The following MYH14 variants were observed in gnomAD, a reference collection of about 807,000 sequenced individuals.
MYH14 encodes myosin heavy chain 14, also known as myosin-14.
In MYH14, 123 loss-of-function variants were observed where a neutral mutation model predicts 255.5. The observed-to-expected ratio is 0.48, with a 90% CI of 0.42 to 0.56. The LOEUF is 0.56. MYH14 is among the 20% of genes least tolerant of loss of function. The pLI is 0.00. For synonymous variants in MYH14, 1,095 were observed against 1,161.2 expected, an observed-to-expected ratio of 0.94 and a Z score of 1.16; for missense variants, 2,423 against 2,802.3, an observed-to-expected ratio of 0.86 and a Z score of 3.06.
chr19:50,253,936 G>A lies in MYH14; in HGVS notation c.1945+1183G>A, dbSNP rs535692825. The stretch of plus-strand genomic sequence containing the variant: ...AATTTGGCAAGAAAACAAAATGAGC[G>A]GCCAGGCGCGGTGGCTCACGCCTGT... On this transcript the variant is annotated intron_variant, in intron 16 of 42. Transcript: ENST00000642316. Among the ~76,000 whole-genome samples, 26 of 152,260 alleles carry A rather than the reference G, an allele frequency of 1.7e-4. 1 individual carries two copies. Among genetic ancestry groups the A allele is most frequent in the African/African-American group, 5.5e-4 (23 of 41,540 alleles).
rs1316683575 is a variant in MYH14 at position 50,210,397 on chromosome 19, G to A, written c.32G>A (p.Arg11Gln). 9 of 1,580,942 alleles carry A rather than the reference G, an allele frequency of 5.7e-6. No individual in the cohort carries two copies. Among genetic ancestry groups the A allele is most frequent in the African/African-American group, 4.1e-5 (3 of 72,324 alleles). The change falls in exon 2 of 43, where the codon CGG becomes CAG. Residue 11 changes from arginine to glutamine, a missense_variant. This residue lies in a region of MYH14 where 238 missense variants were observed against 245.8 expected (regional missense o/e 0.97). Transcript: ENST00000642316. MAAVTMSVPG[R>Q]KAPPRPGPVP... The stretch of plus-strand genomic sequence containing the variant: ...GCCGTGACCATGTCGGTGCCCGGGC[G>A]GAAGGCGCCCCCCAGGCCGGGCCCA...
Position 50,281,781 on chromosome 19 carries a change from A to G in MYH14, c.4478A>G (p.Asp1493Gly). 6.2e-7 allele frequency: 1 copy of G among 1,612,718 alleles called. No individual in the cohort carries two copies. Among genetic ancestry groups the G allele is most frequent in the Non-Finnish European group, 8.5e-7 (1 of 1,179,790 alleles). Residue 1493 changes from aspartate to glycine, a missense_variant, in exon 33 of 43, where the codon GAC (aspartate) becomes GGC (glycine). Physicochemically the swap from Asp to Gly is moderately conservative, Grantham distance 94 (BLOSUM62 -1). Coordinates refer to ENST00000642316, the MANE Select transcript of MYH14 (RefSeq NM_001145809.2). Reference protein sequence around the residue: ...LQQELDDATMDLEQQRQLVST... With the variant: ...LQQELDDATMGLEQQRQLVST... ...CAGGAGCTGGACGACGCCACCATGG[A>G]CCTGGAGCAGCAGCGGCAGCTTGTG...
rs910217112 is a variant in MYH14, at chr19:50,272,418, T to C, written c.3296-142T>C. On this transcript the variant is annotated intron_variant, in intron 26 of 42. Coordinates refer to ENST00000642316, the MANE Select transcript of MYH14 (RefSeq NM_001145809.2). The stretch of plus-strand genomic sequence containing the variant: ...TTGTGGGAAGAGTCCCTGAGATAGA[T>C]GGGGAAGGTGGGAGGAGGAGAAGGC... 29 of 850,012 alleles carry C rather than the reference T, an allele frequency of 3.4e-5. 1 individual carries two copies. The highest frequency in any genetic ancestry group is 1.3e-4 in the East Asian group (5 of 37,290). 52.7% of individuals were successfully genotyped at this position (850,012 alleles called of 1,614,324 possible).
rs888168580 is a variant in MYH14 at position 50,271,151 on chromosome 19, G to A, written c.3034-258G>A. ...GTGCGGTCATCTCTCACTGCAGAAG[G>A]ACAGTCACTTTTACCCATCCTCAGT... is the stretch of plus-strand genomic sequence containing the variant. On this transcript the variant is annotated intron_variant, in intron 24 of 42. Coordinates refer to ENST00000642316, the MANE Select transcript of MYH14 (RefSeq NM_001145809.2). 3.3e-5 allele frequency among the ~76,000 whole-genome samples: 5 copies of A among 152,176 alleles called. No homozygotes were observed. The South Asian group carries it at 1.0e-3, about 32-fold the overall frequency.
At position 50,203,630 on chromosome 19, in the gene MYH14, C is replaced by G. The variant is rs1433125763; in HGVS notation, c.-45C>G. On this transcript the variant is annotated 5_prime_UTR_variant, in exon 1 of 43. Coordinates refer to ENST00000642316, the MANE Select transcript of MYH14 (RefSeq NM_001145809.2). ...GGGCTGTCCTGGCGGACACGCCCCTCTTTCTCCCCAGGCCGAAGCCTCGGG... is the reference window on the plus strand; with the variant it reads ...GGGCTGTCCTGGCGGACACGCCCCTGTTTCTCCCCAGGCCGAAGCCTCGGG... The G allele has an allele frequency of 6.6e-6, 1 of 152,378 alleles. No individual in the cohort carries two copies. Among genetic ancestry groups the G allele is most frequent in the Non-Finnish European group, 1.5e-5 (1 of 68,172 alleles). 9.4% of individuals were successfully genotyped at this position (152,378 alleles called of 1,614,324 possible).
intron 18 of MYH14, chr19:50,258,424 G>A (rs976313293): frequency 1.3e-5 from 2 of 151,972 alleles, no homozygotes; most frequent in African/African-American, 4.8e-5. Flanking sequence ...GTGCATTACT[G>A]TTGAAAAGAG....
chr19:50,248,694 C>T (rs112726873), intron 12 of MYH14, among the ~76,000 whole-genome samples: 6 of 152,334 alleles, frequency 3.9e-5, no homozygotes, highest in African/African-American at 7.2e-5. Flanking sequence ...CCAAGTTGTC[C>T]GGCTCCAGAG....
chr19:50,257,380 G>A lies in MYH14; in HGVS notation c.2126G>A (p.Arg709Gln), dbSNP rs766802012. ...GGCCGCCCCCGTCGGGGTATGTTCCGGACAGTGGGACAGCTCTACAAGGAG... is the reference window on the plus strand; with the variant it reads ...GGCCGCCCCCGTCGGGGTATGTTCCAGACAGTGGGACAGCTCTACAAGGAG... Reference protein sequence around the residue: ...PGGRPRRGMFRTVGQLYKESL... With the variant: ...PGGRPRRGMFQTVGQLYKESL... Residue 709 changes from arginine to glutamine, a missense_variant, in exon 18 of 43, where the codon CGG (arginine) becomes CAG (glutamine). By Grantham distance (43) the Arg-to-Gln change is conservative. Around this residue, in one of 3 missense-constraint regions of MYH14, gnomAD observed 672 missense variants for 881.8 expected, o/e 0.76. Coordinates refer to ENST00000642316, the MANE Select transcript of MYH14 (RefSeq NM_001145809.2). 1.8e-5 allele frequency: 29 copies of A among 1,607,528 alleles called. No individual in the cohort carries two copies. The highest frequency in any genetic ancestry group is 2.1e-5 in the Non-Finnish European group (25 of 1,177,020).
In MYH14 at chr19:50,280,763, C is replaced by T. The variant is rs555347358; in HGVS notation, c.4290+380C>T. Reference sequence around the variant, plus strand: ...CTCCTCTGCTCACAGCTCTCCCACGCCTCCCCAGTACTCCTAGACAAAGTC... The same window carrying T: ...CTCCTCTGCTCACAGCTCTCCCACGTCTCCCCAGTACTCCTAGACAAAGTC... On this transcript the variant is annotated intron_variant, in intron 32 of 42. Coordinates refer to ENST00000642316, the MANE Select transcript of MYH14 (RefSeq NM_001145809.2). This position sits in a 1 kb window ranked among gnomAD's most constrained non-coding sequence, Gnocchi z 4.8. Among the ~76,000 whole-genome samples the T allele has an allele frequency of 6.6e-6, 1 of 152,200 alleles. No individual in the cohort carries two copies. Among genetic ancestry groups the T allele is most frequent in the South Asian group, 2.1e-4 (1 of 4,832 alleles).
chr19:50,217,194 C>T (rs12983289), intron 2 of MYH14, among the ~76,000 whole-genome samples: 76,416 of 152,062 alleles, frequency 0.5, 22,004 homozygotes, highest in Non-Finnish European at 0.64. Flanking sequence ...GATTTGAAGA[C>T]AGTCCCATGT....
chr19:50,217,995 G>GTTA (rs1333858258), intron 3 of MYH14, among the ~76,000 whole-genome samples: 1 of 151,984 alleles, frequency 6.6e-6, no homozygotes, highest in African/African-American at 2.4e-5. Context: ...TTTTATTATT[G>GTTA]TTATTATTAT....
intron 36 of MYH14, among the ~76,000 whole-genome samples, chr19:50,291,676 C>A (rs576938153): frequency 1.3e-5 from 2 of 152,134 alleles, no homozygotes; most frequent in African/African-American, 4.8e-5. Context: ...ACCAGCCTGG[C>A]CAATATGGTG....
chr19:50,242,268 A>G (rs1270609701), intron 10 of MYH14, among the ~76,000 whole-genome samples: 1 of 152,120 alleles, frequency 6.6e-6, no homozygotes, highest in East Asian at 1.9e-4. Flanking sequence ...TGTAACCCCC[A>G]ATTCAAGGTC....
Position 50,224,156 on chromosome 19 carries a change from C to T in MYH14, c.696C>T (p.Ala232=). ...CTCGTGTCCCGTGACTTCCTCAGGC[C>T]TCCGTCAGCACCGTGTCTTATGTGA... The part of the protein sequence containing the change: ...PKGRKEPGVP[A]SVSTVSYGEL... Residue 232 remains alanine (A), a splice_region_variant and synonymous_variant, in exon 6 of 43, where the codon GCC becomes GCT. Transcript: ENST00000642316. 1 of 1,613,796 alleles carries T rather than the reference C, an allele frequency of 6.2e-7. No individual in the cohort carries two copies. The highest frequency in any genetic ancestry group is 8.5e-7 in the Non-Finnish European group (1 of 1,179,836).
At chr19:50,309,436 T>C in intron 42 of MYH14, 1 of 617,766 alleles carries the variant, frequency 1.6e-6, no homozygotes. Context: ...CTCCTCTCTG[T>C]GTGTCCTTCA....
At position 50,307,163 on chromosome 19, in the gene MYH14, C is replaced by A. The variant is rs970660604; in HGVS notation, c.5787+6C>A. 4 of 1,519,932 alleles carry A rather than the reference C, an allele frequency of 2.6e-6. No homozygotes were observed. The African/African-American group carries it at 4.1e-5, about 16-fold the overall frequency. 94.2% of individuals were successfully genotyped at this position (1,519,932 alleles called of 1,614,324 possible). ...CTGACCAGCTCCGGGACCAGGTAAGCAGCTGGCATCATTAGGGAGCAGTGG... is the reference window on the plus strand; with the variant it reads ...CTGACCAGCTCCGGGACCAGGTAAGAAGCTGGCATCATTAGGGAGCAGTGG... On this transcript the variant is annotated splice_donor_region_variant and intron_variant, in intron 41 of 42. Transcript: ENST00000642316.
Position 50,310,006 on chromosome 19 carries a change from T to G in MYH14, c.*216T>G, listed in dbSNP as rs627491. On this transcript the variant is annotated 3_prime_UTR_variant, in exon 43 of 43. Transcript: ENST00000642316. ...AGGAGCGGGGCAGGCAGGGAGGCAA[T>G]GACTGGAGCTACCTTGCTTGTTGGG... 545,636 of 649,214 alleles carry G rather than the reference T, an allele frequency of 0.84. 230,232 individuals are homozygous for G. The highest frequency in any genetic ancestry group is 0.88 in the African/African-American group (48,027 of 54,416). 40.2% of individuals were successfully genotyped at this position (649,214 alleles called of 1,614,324 possible). A position where few individuals can be genotyped will look rare whatever the true frequency, so the allele number is the denominator to read the frequency against.
intron 13 of MYH14, chr19:50,249,370 T>C (rs1363685461): frequency 1.6e-6 from 1 of 623,240 alleles, no homozygotes; most frequent in Non-Finnish European, 2.7e-6. Context: ...TCTGGGTCTC[T>C]GTCCCCCTCT....
intron 42 of MYH14, chr19:50,309,424 T>C (rs1411733037): frequency 1.6e-6 from 1 of 614,002 alleles, no homozygotes; most frequent in Non-Finnish European, 2.9e-6. Context: ...TTCTCTCCTT[T>C]CCTCCTCTCT....
Sources: gnomAD v4.1 joint callset for allele counts (sites outside exome capture counted in the v4.1 genomes callset) on GRCh38, gnomAD v4.1.1 for gene constraint, gnomAD v4.1.1 regional missense constraint, Gnocchi (gnomAD v3.1) non-coding constraint, MANE v1.5 for transcripts, NCBI Gene and HGNC (gene_info 2026-07-23, HGNC 2026-07-21) for gene names.